Variants in CLSTN2 observed in about 807,000 individuals in gnomAD.
CLSTN2 encodes calsyntenin 2.
In CLSTN2, 48 loss-of-function variants were observed where a neutral mutation model predicts 101.2. That is an observed-to-expected ratio of 0.47 (90% CI 0.38 to 0.60). The LOEUF is 0.60. Ranked by LOEUF, CLSTN2 falls within the 20% of genes least tolerant of loss-of-function variation. CLSTN2 has a pLI of 0.00. For missense variants in CLSTN2, 1,160 were observed against 1,238.2 expected (o/e 0.94, Z 0.95); for synonymous variants, 481 against 463.6 (o/e 1.04, Z -0.48).
intron 1 of CLSTN2, among the ~76,000 whole-genome samples, chr3:140,028,931 A>T (rs573989315): frequency 6.6e-6 from 1 of 152,192 alleles, no homozygotes; most frequent in Non-Finnish European, 1.5e-5. Flanking sequence ...CGCTAAGCAG[A>T]AGACCCATTA....
At chr3:139,980,931 G>A (rs1186642107) in intron 1 of CLSTN2, among the ~76,000 whole-genome samples, 1 of 152,118 alleles carries the variant, frequency 6.6e-6, no homozygotes, top group Non-Finnish European at 1.5e-5. Flanking sequence ...AGCCATTGGG[G>A]AGGTCATTTA....
At chr3:139,963,901 T>C (rs1388112610) in intron 1 of CLSTN2, among the ~76,000 whole-genome samples, 1 of 152,202 alleles carries the variant, frequency 6.6e-6, no homozygotes, top group African/African-American at 2.4e-5. Context: ...GCCTATGCTG[T>C]AGTGAAATTG....
chr3:140,370,490 A>C (rs2087840994), intron 2 of CLSTN2, among the ~76,000 whole-genome samples: 2 of 151,948 alleles, frequency 1.3e-5, no homozygotes, highest in Admixed American at 6.6e-5. Flanking sequence ...GGAGGGAGGG[A>C]GAGAAGAAGG....
intron 1 of CLSTN2, among the ~76,000 whole-genome samples, chr3:140,150,006 C>T (rs375903908): frequency 3.9e-5 from 6 of 152,134 alleles, no homozygotes; most frequent in South Asian, 2.1e-4. Context: ...CATGATTTTT[C>T]GGACAGCTGG....
At chr3:140,303,303 C>T (rs867583676) in intron 2 of CLSTN2, among the ~76,000 whole-genome samples, 3 of 152,198 alleles carry the variant, frequency 2.0e-5, no homozygotes, top group East Asian at 1.9e-4. Flanking sequence ...GGACATGCAT[C>T]ATCTTTTTCT....
At chr3:140,484,987 G>T (rs1463280006) in intron 8 of CLSTN2, among the ~76,000 whole-genome samples, 1 of 152,164 alleles carries the variant, frequency 6.6e-6, no homozygotes, top group Non-Finnish European at 1.5e-5. Flanking sequence ...GTCCAGCTTT[G>T]TTCCATTGCT....
Position 140,442,950 on chromosome 3 carries a change from G to T in CLSTN2, c.788-5569G>T, listed in dbSNP as rs1425358426. ...GTACCCTCCTAGCTTCTTCCAGTAG[G>T]AGGGGAAGACCCTTGGTGCCCAAAT... On this transcript the variant is annotated intron_variant, in intron 5 of 16. Transcript: ENST00000458420. Among the ~76,000 whole-genome samples, 4 of 152,336 alleles carry T rather than the reference G, an allele frequency of 2.6e-5. No individual in the cohort carries two copies. The East Asian group carries it at 7.7e-4, about 29-fold the overall frequency.
At chr3:139,939,289 AC>A (rs1325477557) in intron 1 of CLSTN2, among the ~76,000 whole-genome samples, 1 of 152,190 alleles carries the variant, frequency 6.6e-6, no homozygotes, top group Non-Finnish European at 1.5e-5. Flanking sequence ...CTCTTACAAC[AC>A]ATGCAGAGCC....
At chr3:140,476,426 T>C (rs1933985476) in intron 8 of CLSTN2, among the ~76,000 whole-genome samples, 1 of 152,210 alleles carries the variant, frequency 6.6e-6, no homozygotes, top group East Asian at 1.9e-4. Context: ...AGCAAGGTGC[T>C]TTCCACATCT....
chr3:140,303,403 T>C (rs1056476503), intron 2 of CLSTN2, among the ~76,000 whole-genome samples: 1 of 152,126 alleles, frequency 6.6e-6, no homozygotes. Flanking sequence ...CAGACTCTAG[T>C]CCCAGCTCTG....
intron 1 of CLSTN2, among the ~76,000 whole-genome samples, chr3:140,174,267 G>A (rs1313130716): frequency 2.0e-5 from 3 of 152,088 alleles, no homozygotes; most frequent in Non-Finnish European, 4.4e-5. Context: ...TATAACAAGA[G>A]TCACCTTTGC....
intron 2 of CLSTN2, among the ~76,000 whole-genome samples, chr3:140,387,544 C>G (rs1243776874): frequency 6.6e-6 from 1 of 152,168 alleles, no homozygotes; most frequent in Non-Finnish European, 1.5e-5. Context: ...AAATTTGGCT[C>G]ATTCTTTGCC....
At chr3:140,236,912 C>A (rs1309875391) in intron 2 of CLSTN2, among the ~76,000 whole-genome samples, 1 of 140,280 alleles carries the variant, frequency 7.1e-6, no homozygotes, top group South Asian at 2.3e-4. Context: ...TTTTCTCTTC[C>A]TTCTGGAACA....
intron 2 of CLSTN2, among the ~76,000 whole-genome samples, chr3:140,220,858 G>T (rs940527181): frequency 1.3e-5 from 2 of 152,054 alleles, no homozygotes; most frequent in East Asian, 1.9e-4. Flanking sequence ...ATGTGCCCGG[G>T]ACTGTGTTCC....
At chr3:140,379,880 C>G (rs1214084999) in intron 2 of CLSTN2, among the ~76,000 whole-genome samples, 1 of 152,088 alleles carries the variant, frequency 6.6e-6, no homozygotes, top group East Asian at 1.9e-4. Context: ...TGAAAGAAGA[C>G]TGTGGAAGTA....
chr3:140,186,159 A>G (rs1273765153), intron 2 of CLSTN2, among the ~76,000 whole-genome samples: 2 of 152,190 alleles, frequency 1.3e-5, no homozygotes, highest in Non-Finnish European at 2.9e-5. Context: ...GTCTTTTAAA[A>G]AGACATAACT....
chr3:140,476,405 G>C (rs1933984721), intron 8 of CLSTN2, among the ~76,000 whole-genome samples: 1 of 152,190 alleles, frequency 6.6e-6, no homozygotes, highest in Non-Finnish European at 1.5e-5. Flanking sequence ...TGGATGAAGA[G>C]TGGAAGACAT....
chr3:140,467,348 T>C (rs1933732364), intron 8 of CLSTN2, among the ~76,000 whole-genome samples: 1 of 152,122 alleles, frequency 6.6e-6, no homozygotes, highest in South Asian at 2.1e-4. Context: ...GCATTAACGG[T>C]GGAAGTAGTA....
chr3:140,478,904 A>AAGGG (rs772164197), intron 8 of CLSTN2, among the ~76,000 whole-genome samples: 1 of 126,876 alleles, frequency 7.9e-6, no homozygotes, highest in African/African-American at 2.8e-5. Flanking sequence ...GGAAGGAAGG[A>AAGGG]AGGGAGGCAG....
Sources: gnomAD v4.1 joint callset for allele counts (sites outside exome capture counted in the v4.1 genomes callset) on GRCh38, gnomAD v4.1.1 for gene constraint, MANE v1.5 for transcripts, NCBI Gene and HGNC (gene_info 2026-07-23, HGNC 2026-07-21) for gene names.